The following GRID1 variants were observed in gnomAD, a reference collection of about 807,000 sequenced individuals.
GRID1 encodes glutamate ionotropic receptor delta type subunit 1, also known as glutamate receptor ionotropic, delta-1.
GRID1 carries 28 observed loss-of-function variants against 98.0 expected under a neutral mutation model. The ratio of observed to expected loss-of-function variants is 0.29; its 90% CI spans 0.21 to 0.39. The LOEUF is 0.39. Among genes scored for constraint, GRID1 ranks in the 10% least tolerant of loss-of-function variants. The pLI is 1.00. For synonymous variants in GRID1, 553 were observed against 538.5 expected, an observed-to-expected ratio of 1.03 and a Z score of -0.37; for missense variants, 1,111 against 1,340.5, an observed-to-expected ratio of 0.83 and a Z score of 2.67.
intron 8 of GRID1, among the ~76,000 whole-genome samples, chr10:85,770,265 T>A (rs1371323472): frequency 6.6e-6 from 1 of 151,948 alleles, no homozygotes; most frequent in Non-Finnish European, 1.5e-5. Flanking sequence ...CAGCTGAGGG[T>A]CCTGTCTGTT....
chr10:86,251,573 A>C (rs1020642312), intron 2 of GRID1, among the ~76,000 whole-genome samples: 1 of 151,892 alleles, frequency 6.6e-6, no homozygotes. Context: ...TCCCTAGAAC[A>C]TCAGGCCCCT....
At chr10:86,225,547 G>A (rs1379525936) in intron 2 of GRID1, among the ~76,000 whole-genome samples, 1 of 152,194 alleles carries the variant, frequency 6.6e-6, no homozygotes, top group African/African-American at 2.4e-5. Context: ...GGAGACAGCA[G>A]GGTCCAGAAG....
chr10:85,778,014 G>A (rs942377503), intron 8 of GRID1, among the ~76,000 whole-genome samples: 5 of 151,990 alleles, frequency 3.3e-5, no homozygotes, highest in Non-Finnish European at 5.9e-5. Flanking sequence ...GCATCTTGGT[G>A]TCAGGTTCTG....
rs376045561 is a variant in GRID1 at position 85,978,403 on chromosome 10, C to A, written c.727-62164G>T. On this transcript the variant is annotated intron_variant, in intron 4 of 15. Coordinates refer to ENST00000327946, the MANE Select transcript of GRID1 (RefSeq NM_017551.3). ...AAAGAACATATTTAATCAACTGGTA[C>A]AACATAAATAAGGCATAATAAATTA... 2.0e-5 allele frequency among the ~76,000 whole-genome samples: 3 copies of A among 152,260 alleles called. No homozygotes were observed. The South Asian group carries it at 6.2e-4, about 32-fold the overall frequency.
intron 12 of GRID1, among the ~76,000 whole-genome samples, chr10:85,655,940 G>T (rs1564690662): frequency 6.6e-6 from 1 of 151,484 alleles, no homozygotes; most frequent in Non-Finnish European, 1.5e-5. Flanking sequence ...TCTCTCTGCA[G>T]ATCATTTCCA....
intron 2 of GRID1, among the ~76,000 whole-genome samples, chr10:86,256,114 G>A (rs1294189966): frequency 6.6e-6 from 1 of 152,154 alleles, no homozygotes; most frequent in Non-Finnish European, 1.5e-5. Context: ...TTGTCTGTGT[G>A]TCTTGCTCAG....
intron 3 of GRID1, among the ~76,000 whole-genome samples, chr10:86,177,718 G>C: frequency 6.6e-6 from 1 of 151,944 alleles, no homozygotes; most frequent in Non-Finnish European, 1.5e-5. Context: ...AGAGATTCCA[G>C]TGTGTGTATA....
At chr10:86,108,387 T>C (rs1441104701) in intron 4 of GRID1, among the ~76,000 whole-genome samples, 2 of 152,182 alleles carry the variant, frequency 1.3e-5, no homozygotes, top group Admixed American at 6.5e-5. Flanking sequence ...CTCAGAAAAG[T>C]GGTAAGCCTC....
intron 4 of GRID1, among the ~76,000 whole-genome samples, chr10:85,984,462 G>A (rs1842585153): frequency 6.6e-6 from 1 of 152,266 alleles, no homozygotes; most frequent in East Asian, 1.9e-4. Flanking sequence ...GAGAGGTCTG[G>A]GCGGGAGAGC....
intron 15 of GRID1, among the ~76,000 whole-genome samples, chr10:85,612,752 A>G (rs1254087508): frequency 6.6e-6 from 1 of 152,026 alleles, no homozygotes; most frequent in Admixed American, 6.5e-5. Flanking sequence ...AAAAAATTTA[A>G]AAAAGAGCTT....
chr10:86,060,415 G>A (rs781028517), intron 4 of GRID1, among the ~76,000 whole-genome samples: 134 of 152,196 alleles, frequency 8.8e-4, no homozygotes, highest in Non-Finnish European at 1.5e-3. Context: ...CCACAAGATA[G>A]ATCTGAACCC....
At chr10:85,608,470 G>T (rs1273924359) in intron 15 of GRID1, among the ~76,000 whole-genome samples, 1 of 152,196 alleles carries the variant, frequency 6.6e-6, no homozygotes, top group Non-Finnish European at 1.5e-5. Context: ...TTCTTTACGG[G>T]AGTCTTGACT....
intron 8 of GRID1, among the ~76,000 whole-genome samples, chr10:85,819,402 C>G (rs1053500953): frequency 8.5e-5 from 13 of 152,210 alleles, no homozygotes; most frequent in African/African-American, 3.1e-4. Flanking sequence ...CTTTCCTCAA[C>G]ATCTCAACAT....
Position 85,723,123 on chromosome 10 carries a change from T to C in GRID1, c.1877A>G (p.Asn626Ser), listed in dbSNP as rs554279261. 10 of 1,605,960 alleles carry C rather than the reference T, an allele frequency of 6.2e-6. No homozygotes were observed. In the South Asian group the frequency reaches 1.1e-4, roughly 18 times the overall value. ...CATCACGATGCGCATGGCCATGGAG[T>C]TCACGGAAGATTCGCCACCTGCGGG... ...FVQQGGESSV[N>S]SMAMRIVMGS... Residue 626 changes from asparagine to serine, a missense_variant, in exon 12 of 16, where the codon AAC (asparagine) becomes AGC (serine). Physicochemically the swap from Asn to Ser is conservative, Grantham distance 46. Transcript: ENST00000327946.
At chr10:85,615,001 T>C (rs1842772216) in intron 14 of GRID1, among the ~76,000 whole-genome samples, 1 of 152,200 alleles carries the variant, frequency 6.6e-6, no homozygotes, top group African/African-American at 2.4e-5. Context: ...CTGAGTTCTC[T>C]GGGTATGTGT....
intron 12 of GRID1, among the ~76,000 whole-genome samples, chr10:85,655,024 T>A (rs1840879923): frequency 6.6e-6 from 1 of 152,320 alleles, no homozygotes; most frequent in Non-Finnish European, 1.5e-5. Flanking sequence ...ATGTCCACAC[T>A]ATTCACTAGG....
intron 3 of GRID1, among the ~76,000 whole-genome samples, chr10:86,170,781 A>G (rs1845473654): frequency 6.6e-6 from 1 of 152,216 alleles, no homozygotes; most frequent in African/African-American, 2.4e-5. Flanking sequence ...TCAGAGCAGG[A>G]GTGAAGCTAT....
intron 2 of GRID1, among the ~76,000 whole-genome samples, chr10:86,357,349 T>C (rs764651621): frequency 1.3e-5 from 2 of 152,158 alleles, no homozygotes; most frequent in African/African-American, 4.8e-5. Context: ...AGCCCAGGAC[T>C]AGGAACAGCA....
At chr10:85,855,783 G>C (rs1286028583) in intron 7 of GRID1, among the ~76,000 whole-genome samples, 1 of 152,190 alleles carries the variant, frequency 6.6e-6, no homozygotes, top group Non-Finnish European at 1.5e-5. Flanking sequence ...AGGGCAAGTT[G>C]CTTAACCTCT....
Sources: allele counts gnomAD v4.1 joint callset (sites outside exome capture counted in the v4.1 genomes callset), GRCh38; gene constraint gnomAD v4.1.1; transcripts MANE v1.5; gene names NCBI Gene and HGNC (gene_info 2026-07-23, HGNC 2026-07-21).